Variants in GLIPR1L1 observed in about 807,000 individuals in gnomAD.
GLIPR1L1 encodes the protein GLIPR1 like 1.
Under a neutral mutation model 29.9 loss-of-function variants are expected in GLIPR1L1, and 26 were observed. The observed-to-expected ratio is 0.87, with a 90% CI of 0.64 to 1.21. The LOEUF (loss-of-function observed/expected upper bound fraction) is 1.21, where lower values mean the gene tolerates loss of function less well. Ranked by LOEUF, GLIPR1L1 falls within the 50% of genes most tolerant of loss-of-function variation. The pLI is 0.00. For synonymous variants in GLIPR1L1, 77 were observed against 97.5 expected, an observed-to-expected ratio of 0.79 and a Z score of 1.24; for missense variants, 305 against 290.3, an observed-to-expected ratio of 1.05 and a Z score of -0.37.
chr12:75,347,224 T>C (rs939641852), intron 2 of GLIPR1L1, among the ~76,000 whole-genome samples: 4 of 152,114 alleles, frequency 2.6e-5, no homozygotes, highest in Non-Finnish European at 5.9e-5. Context: ...AAAATTTTTC[T>C]GAGAAAAACA....
chr12:75,342,838 A>G (rs138264412), intron 1 of GLIPR1L1, among the ~76,000 whole-genome samples: 1 of 152,196 alleles, frequency 6.6e-6, no homozygotes, highest in Admixed American at 6.5e-5. Flanking sequence ...AGTCTTTTAC[A>G]ACTTCTTTCA....
chr12:75,361,302 G>A (rs920155147), intron 3 of GLIPR1L1, among the ~76,000 whole-genome samples: 5 of 152,216 alleles, frequency 3.3e-5, no homozygotes, highest in Non-Finnish European at 4.4e-5. Flanking sequence ...TGTAAAATAG[G>A]TGAAGGGTGG....
intron 3 of GLIPR1L1, among the ~76,000 whole-genome samples, chr12:75,362,756 T>C (rs1361886473): frequency 6.6e-6 from 1 of 152,196 alleles, no homozygotes; most frequent in Non-Finnish European, 1.5e-5. Flanking sequence ...AACACATGTT[T>C]ATGTTCATAC....
chr12:75,353,759 C>A (rs772798302), intron 3 of GLIPR1L1, among the ~76,000 whole-genome samples: 4 of 152,090 alleles, frequency 2.6e-5, no homozygotes, highest in Non-Finnish European at 5.9e-5. Context: ...ACTGGCAAAC[C>A]AAATCCAGCA....
At chr12:75,337,456 T>C (rs900383531) in intron 1 of GLIPR1L1, among the ~76,000 whole-genome samples, 1 of 151,858 alleles carries the variant, frequency 6.6e-6, no homozygotes, top group Admixed American at 6.6e-5. Context: ...AGAGAATATT[T>C]TGAACAAATT....
intron 1 of GLIPR1L1, among the ~76,000 whole-genome samples, chr12:75,342,302 G>T (rs113703043): frequency 3.9e-5 from 6 of 152,202 alleles, no homozygotes; most frequent in East Asian, 3.9e-4. Flanking sequence ...TCTTTAAAAG[G>T]TCTGTAGATA....
At chr12:75,359,719 T>C (rs930072516) in intron 3 of GLIPR1L1, among the ~76,000 whole-genome samples, 1 of 152,010 alleles carries the variant, frequency 6.6e-6, no homozygotes, top group African/African-American at 2.4e-5. Flanking sequence ...TTTTCAGAAA[T>C]GCACAAAGGT....
At chr12:75,340,597 A>G (rs1034986201) in intron 1 of GLIPR1L1, among the ~76,000 whole-genome samples, 1 of 152,094 alleles carries the variant, frequency 6.6e-6, no homozygotes, top group Non-Finnish European at 1.5e-5. Flanking sequence ...CCTCATCAAA[A>G]TAAGAAACTT....
intron 1 of GLIPR1L1, among the ~76,000 whole-genome samples, chr12:75,340,354 T>C (rs902464570): frequency 6.6e-6 from 1 of 151,778 alleles, no homozygotes; most frequent in Non-Finnish European, 1.5e-5. Flanking sequence ...GGAGCAAGGA[T>C]AGTCTATTCA....
In GLIPR1L1 at chr12:75,367,026, T is replaced by C. The variant is rs1022516940; in HGVS notation, c.611-2934T>C. On this transcript the variant is annotated intron_variant, in intron 4 of 5. Coordinates refer to ENST00000378695, the MANE Select transcript of GLIPR1L1 (RefSeq NM_001304964.2). ...CAGAGCTGAGGAGGTAAGTCTCTCA[T>C]TTATCTCTAAAAATGACAGTTTAAG... 5.7e-6 allele frequency: 4 copies of C among 701,078 alleles called. No homozygotes were observed. The Admixed American group carries it at 6.0e-5, about 11-fold the overall frequency. The allele number at this position is 701,078 out of a possible 1,614,324, so 43.4% of individuals were successfully genotyped here.
At chr12:75,363,044 G>A in intron 3 of GLIPR1L1, 58 bp from the exon 4 acceptor site, 1 of 860,740 alleles carries the variant, frequency 1.2e-6, no homozygotes, top group South Asian at 1.7e-5. Flanking sequence ...ATACATGCAT[G>A]AACAAAATTG....
chr12:75,342,256 C>A (rs924685429), intron 1 of GLIPR1L1, among the ~76,000 whole-genome samples: 1 of 152,088 alleles, frequency 6.6e-6, no homozygotes, highest in Non-Finnish European at 1.5e-5. Flanking sequence ...TAAACCTACA[C>A]ATATACAAAA....
At chr12:75,363,609 T>C (rs971837568) in intron 4 of GLIPR1L1, among the ~76,000 whole-genome samples, 2 of 152,198 alleles carry the variant, frequency 1.3e-5, no homozygotes, top group African/African-American at 2.4e-5. Flanking sequence ...ATCAGCTTTT[T>C]GGTTCTCAAA....
intron 3 of GLIPR1L1, among the ~76,000 whole-genome samples, chr12:75,355,159 C>G (rs193278727): frequency 1.2e-3 from 187 of 152,272 alleles, no homozygotes; most frequent in Admixed American, 1.7e-3. Flanking sequence ...AACTTCTACA[C>G]AGCAAAAGAA....
chr12:75,336,039 G>C (rs2041713474), intron 1 of GLIPR1L1, among the ~76,000 whole-genome samples: 1 of 151,876 alleles, frequency 6.6e-6, no homozygotes, highest in Admixed American at 6.6e-5. Flanking sequence ...TTATAATAAT[G>C]TAGAAACTAA....
intron 3 of GLIPR1L1, among the ~76,000 whole-genome samples, chr12:75,348,864 G>A (rs1225557444): frequency 6.6e-6 from 1 of 152,160 alleles, no homozygotes; most frequent in East Asian, 1.9e-4. Context: ...ACAAAGGGCC[G>A]TGATCTCTGA....
intron 3 of GLIPR1L1, among the ~76,000 whole-genome samples, chr12:75,358,858 GT>G (rs1053658816): frequency 1.6e-5 from 2 of 126,884 alleles, no homozygotes; most frequent in Non-Finnish European, 3.3e-5. Flanking sequence ...ATTATATATG[GT>G]TTAAACATAT....
At chr12:75,347,332 T>C (rs2042520679) in intron 2 of GLIPR1L1, among the ~76,000 whole-genome samples, 1 of 152,122 alleles carries the variant, frequency 6.6e-6, no homozygotes, top group Non-Finnish European at 1.5e-5. Context: ...ATAAATAATC[T>C]AGAAGAAATT....
intron 3 of GLIPR1L1, among the ~76,000 whole-genome samples, chr12:75,359,723 CA>C (rs1400031311): frequency 6.6e-6 from 1 of 151,796 alleles, no homozygotes; most frequent in Non-Finnish European, 1.5e-5. Context: ...CAGAAATGCA[CA>C]AAGGTATTTC....
Sources: allele counts gnomAD v4.1 joint callset (sites outside exome capture counted in the v4.1 genomes callset), GRCh38; gene constraint gnomAD v4.1.1; transcripts MANE v1.5; gene names NCBI Gene and HGNC (gene_info 2026-07-23, HGNC 2026-07-21).